ATG101: variants seen among roughly 807,000 people sequenced by gnomAD.
ATG101 encodes the protein autophagy-related protein 101.
ATG101 carries 6 observed loss-of-function variants against 16.7 expected under a neutral mutation model. That is an observed-to-expected ratio of 0.36 (90% CI 0.20 to 0.71). The LOEUF (loss-of-function observed/expected upper bound fraction) is 0.71, where lower values mean the gene tolerates loss of function less well. Among genes scored for constraint, ATG101 ranks in the 30% least tolerant of loss-of-function variants. ATG101 has a pLI of 0.57. For synonymous variants in ATG101, 108 were observed against 118.1 expected (o/e 0.91, Z 0.56); for missense variants, 200 against 292.5 (o/e 0.68, Z 2.31).
At chr12:52,072,276 C>T (rs997702023) in intron 2 of ATG101, among the ~76,000 whole-genome samples, 1 of 152,348 alleles carries the variant, frequency 6.6e-6, no homozygotes, top group South Asian at 2.1e-4. Context: ...GGTTCCATTC[C>T]AGGTTGTCTG....
chr12:52,074,971 A>AT (rs554968444), intron 3 of ATG101, among the ~76,000 whole-genome samples: 3,869 of 152,100 alleles, frequency 0.025, 73 homozygotes, highest in South Asian at 0.074. Flanking sequence ...AAAAAAAATA[A>AT]TTTTTTTTGT....
At chr12:52,069,673 A>C (rs1206645273), upstream of ATG101, 2 of 149,826 alleles carry the variant, frequency 1.3e-5, no homozygotes, top group African/African-American at 2.5e-5. Context: ...CCTTCCCTCC[A>C]GTCTCTATGG....
intron 2 of ATG101, among the ~76,000 whole-genome samples, chr12:52,072,952 T>G (rs1011925584): frequency 2.0e-5 from 3 of 152,096 alleles, no homozygotes; most frequent in African/African-American, 7.2e-5. Context: ...TTTTATATTT[T>G]TGGTAGAGAT....
At chr12:52,066,347 T>A (rs1939549209), upstream of ATG101, among the ~76,000 whole-genome samples, 1 of 151,738 alleles carries the variant, frequency 6.6e-6, no homozygotes, top group South Asian at 2.1e-4. Context: ...CAGGCAGGAG[T>A]TCCCCTTACT....
Position 52,077,314 on chromosome 12 carries a change from C to A in ATG101, c.*124C>A. 1 of 1,135,834 alleles carries A rather than the reference C, an allele frequency of 8.8e-7. No individual in the cohort carries two copies. The highest frequency in any genetic ancestry group is 1.2e-6 in the Non-Finnish European group (1 of 816,596). 70.4% of individuals were successfully genotyped at this position (1,135,834 alleles called of 1,614,324 possible). On this transcript the variant is annotated 3_prime_UTR_variant, in exon 4 of 4. Transcript: ENST00000336854. ...ATTGGTGAGACTTGGAAGGGGCAGCCCCCGCTGGCTTCTTGGTTTTGTGGT... is the reference window on the plus strand; with the variant it reads ...ATTGGTGAGACTTGGAAGGGGCAGCACCCGCTGGCTTCTTGGTTTTGTGGT...
At chr12:52,069,640 G>A (rs1036758303), upstream of ATG101, 1 of 152,192 alleles carries the variant, frequency 6.6e-6, no homozygotes, top group Non-Finnish European at 1.5e-5. Flanking sequence ...CTAGGGAGGC[G>A]GCCGAGAGCC....
chr12:52,073,499 G>C, intron 2 of ATG101, 76 bp from the exon 3 acceptor site: 1 of 997,872 alleles, frequency 1.0e-6, no homozygotes, highest in African/African-American at 1.6e-5. Context: ...CAGAGGCTGA[G>C]CTGAGCCTAG....
upstream of ATG101, chr12:52,069,428 C>G (rs1939601941): frequency 6.6e-6 from 1 of 152,322 alleles, no homozygotes; most frequent in South Asian, 2.1e-4. Context: ...GTCTGTTACG[C>G]ACATTCAACA....
rs1249206757 is a variant in ATG101 at position 52,073,635 on chromosome 12, G to C, written c.-16G>C. The C allele has an allele frequency of 6.2e-7, 1 of 1,608,414 alleles. No homozygotes were observed. The highest frequency in any genetic ancestry group is 1.7e-5 in the Admixed American group (1 of 59,942). On this transcript the variant is annotated 5_prime_UTR_variant, in exon 3 of 4. Transcript: ENST00000336854. ...TATCCTAGTTCCACACCTTGGTGTG[G>C]GTTACTGGGTGCAGGATGAACTGTC...
chr12:52,074,494 T>C (rs1939702687), intron 3 of ATG101, among the ~76,000 whole-genome samples: 1 of 152,130 alleles, frequency 6.6e-6, no homozygotes, highest in Admixed American at 6.5e-5. Flanking sequence ...TACTTTTACA[T>C]TTTAAAGTAG....
upstream of ATG101, among the ~76,000 whole-genome samples, chr12:52,067,753 A>ATT (rs60759494): frequency 0.39 from 55,214 of 140,452 alleles, 11,642 homozygotes; most frequent in African/African-American, 0.55. Flanking sequence ...AAGCTTGGCT[A>ATT]TTTTTTTTTT....
upstream of ATG101, among the ~76,000 whole-genome samples, chr12:52,065,700 C>T (rs1033559382): frequency 3.3e-5 from 5 of 152,030 alleles, no homozygotes; most frequent in East Asian, 1.9e-4. Context: ...AGGTGAGTGC[C>T]GGAGTAGGGA....
intron 2 of ATG101, among the ~76,000 whole-genome samples, chr12:52,073,252 G>T (rs573958580): frequency 1.3e-5 from 2 of 152,182 alleles, no homozygotes; most frequent in Non-Finnish European, 2.9e-5. Context: ...GTTTAGTTGC[G>T]TGCTTTTTCT....
In ATG101 at chr12:52,077,179, C is replaced by G. The variant is rs776127701; in HGVS notation, c.646C>G (p.Leu216Val). Reference protein sequence around the residue: ...TTMRRLIKDTLAL With the variant: ...TTMRRLIKDTVAL ...CATGCGCAGGCTCATCAAAGACACC[C>G]TTGCCCTCTGAGCGTCGCTGGATCT... The change falls in exon 4 of 4, where the codon CTT (leucine) becomes GTT (valine). Residue 216 changes from leucine to valine, a missense_variant. Leu to Val is a conservative substitution (Grantham distance 32, BLOSUM62 1). Coordinates refer to ENST00000336854, the MANE Select transcript of ATG101 (RefSeq NM_021934.5). The G allele has an allele frequency of 1.2e-6, 2 of 1,612,270 alleles. No individual in the cohort carries two copies. The highest frequency in any genetic ancestry group is 1.7e-6 in the Non-Finnish European group (2 of 1,178,456).
chr12:52,069,341 T>A (rs1377973619), upstream of ATG101: 2 of 152,256 alleles, frequency 1.3e-5, no homozygotes, highest in East Asian at 3.9e-4. Flanking sequence ...TATCAAGTAG[T>A]GCTGCTGCAT....
intron 3 of ATG101, 101 bp from the exon 4 acceptor site, chr12:52,076,685 A>G (rs531227749): frequency 5.0e-5 from 68 of 1,357,530 alleles, no homozygotes; most frequent in Non-Finnish European, 6.5e-5. Context: ...TTGGATGATG[A>G]CTAGAGCTAA....
intron 2 of ATG101, 195 bp downstream of exon 2, chr12:52,070,678 G>A (rs532255153): frequency 6.6e-6 from 1 of 152,500 alleles, no homozygotes; most frequent in East Asian, 1.9e-4. Context: ...GAAGGAGAAT[G>A]GGGTTGGTCA....
chr12:52,066,814 G>A (rs1272645193), upstream of ATG101, among the ~76,000 whole-genome samples: 2 of 152,098 alleles, frequency 1.3e-5, no homozygotes, highest in African/African-American at 4.8e-5. Flanking sequence ...TGTGTGGATG[G>A]CCAGAGAGAT....
upstream of ATG101, among the ~76,000 whole-genome samples, chr12:52,069,019 A>AAAAAAAAAAAAAC (rs1939591622): frequency 6.8e-6 from 1 of 146,356 alleles, no homozygotes; most frequent in Non-Finnish European, 1.5e-5. Context: ...AAAAAAAAAA[A>AAAAAAAAAAAAAC]AAATACTGCC....
Sources: gnomAD v4.1 joint callset for allele counts (sites outside exome capture counted in the v4.1 genomes callset) on GRCh38, gnomAD v4.1.1 for gene constraint, MANE v1.5 for transcripts, NCBI Gene and HGNC (gene_info 2026-07-23, HGNC 2026-07-21) for gene names.